The following PQBP1 variants were observed in gnomAD, a reference collection of about 807,000 sequenced individuals.
The protein encoded by PQBP1 is polyglutamine binding protein 1.
Under a neutral mutation model 20.9 loss-of-function variants are expected in PQBP1, and 3 were observed. The ratio of observed to expected loss-of-function variants is 0.14; its 90% confidence interval spans 0.07 to 0.37. PQBP1 has a LOEUF of 0.37. PQBP1 is among the 10% of genes least tolerant of loss of function. PQBP1 has a pLI of 1.00. For missense variants in PQBP1, 162 were observed against 240.3 expected, an observed-to-expected ratio of 0.67 and a Z score of 2.16; for synonymous variants, 83 against 93.8, an observed-to-expected ratio of 0.88 and a Z score of 0.67.
intron 2 of PQBP1, among the ~76,000 whole-genome samples, chrX:48,898,785 CTTTTTTTTTTTTTTTTTTTTTT>C (rs34214032): frequency 9.3e-5 from 2 of 21,459 alleles, no homozygotes; most frequent in African/African-American, 3.7e-4. Flanking sequence ...ATATTTCATT[CTTTTTTTTTTTTTTTTTTTTTT>C]TTTTTTTTTT....
Position 48,901,501 on chromosome X carries a change from G to C in PQBP1, c.179+200G>C, listed in dbSNP as rs782202244. ...CTGTCTTTTCTCTCTTTTTTGAAACGGAGTTTCACTCTTGTAGCCCGGGCT... is the reference window on the plus strand; with the variant it reads ...CTGTCTTTTCTCTCTTTTTTGAAACCGAGTTTCACTCTTGTAGCCCGGGCT... On this transcript the variant is annotated intron_variant, in intron 3 of 6. Coordinates refer to ENST00000447146, the MANE Select transcript of PQBP1 (RefSeq NM_001032382.2). 107 of 901,093 alleles carry C rather than the reference G, an allele frequency of 1.2e-4. 1 individual carries two copies. The South Asian group carries it at 1.3e-3, about 11-fold the overall frequency. 74.3% of individuals were successfully genotyped at this position (901,093 alleles called of 1,213,427 possible). A position where few individuals can be genotyped will look rare whatever the true frequency, so the allele number is the denominator to read the frequency against.
rs34214032 is a variant in PQBP1, at chrX:48,898,785, C to CTTTTTTTTTTTTTTTTTTTT, written c.67+229_67+248dup. Among the ~76,000 whole-genome samples, 2 of 21,460 alleles carry CTTTTTTTTTTTTTTTTTTTT rather than the reference C, an allele frequency of 9.3e-5. 1 individual carries two copies. The highest frequency in any genetic ancestry group is 1.5e-4 in the Non-Finnish European group (2 of 12,914). The allele number at this position is 21,460 out of a possible 115,157, so 18.6% of individuals were successfully genotyped here. A position where few individuals can be genotyped will look rare whatever the true frequency, so the allele number is the denominator to read the frequency against. On this transcript the variant is annotated intron_variant, in intron 2 of 6. Transcript: ENST00000447146. ...GGGTTGGGGGAATAGATATTTCATT[C>CTTTTTTTTTTTTTTTTTTTT]TTTTTTTTTTTTTTTTTTTTTTTTT...
At chrX:48,899,899 T>C (rs2063377360) in intron 2 of PQBP1, among the ~76,000 whole-genome samples, 1 of 112,051 alleles carries the variant, frequency 8.9e-6, no homozygotes, top group Non-Finnish European at 1.9e-5. Context: ...TATTGATAAC[T>C]GACATCTATT....
rs1162086780 is a variant in PQBP1, at chrX:48,900,284, CTTTTTTTTTTTTTTTTTTT to C, written c.68-895_68-877del. On this transcript the variant is annotated intron_variant, in intron 2 of 6. Coordinates refer to ENST00000447146, the MANE Select transcript of PQBP1 (RefSeq NM_001032382.2). ...AAAACTGGCAATGATCATTGATTTA[CTTTTTTTTTTTTTTTTTTT>C]TTTTTTTTTTGAGAGAGTCTCGCTC... Among the ~76,000 whole-genome samples, 3 of 32,478 alleles carry C rather than the reference CTTTTTTTTTTTTTTTTTTT, an allele frequency of 9.2e-5. No individual in the cohort carries two copies. The South Asian group carries it at 8.4e-3, about 91-fold the overall frequency. The allele number at this position is 32,478 out of a possible 115,157, so 28.2% of individuals were successfully genotyped here. A position where few individuals can be genotyped will look rare whatever the true frequency, so the allele number is the denominator to read the frequency against.
chrX:48,901,380 CAAGG>C (rs1335317404), intron 3 of PQBP1, 79 bp downstream of exon 3: 12 of 1,163,328 alleles, frequency 1.0e-5, no homozygotes, highest in African/African-American at 7.2e-5. Context: ...TAGGGGGACA[CAAGG>C]GAGGGAGCCT....
At chrX:48,902,869 C>T in intron 6 of PQBP1, 59 bp from the exon 7 acceptor site, 1 of 1,185,293 alleles carries the variant, frequency 8.4e-7, no homozygotes, top group Non-Finnish European at 1.1e-6. Flanking sequence ...CTCATTGGGA[C>T]CAGGTGGGCT....
chrX:48,898,400 G>A, intron 1 of PQBP1, 92 bp from the exon 2 acceptor site: 1 of 801,688 alleles, frequency 1.2e-6, no homozygotes, highest in African/African-American at 2.0e-5. Flanking sequence ...ATCGGAGTCA[G>A]ATGAGTACAT....
At position 48,898,014 on chromosome X, in the gene PQBP1, G is replaced by A. The variant is rs2063334336; in HGVS notation, c.-87G>A. 1.0e-6 allele frequency: 1 copy of A among 992,677 alleles called. No homozygotes were observed. Among genetic ancestry groups the A allele is most frequent in the Non-Finnish European group, 1.3e-6 (1 of 761,127 alleles). The allele number at this position is 992,677 out of a possible 1,213,427, so 81.8% of individuals were successfully genotyped here. On this transcript the variant is annotated 5_prime_UTR_variant, in exon 1 of 7. Transcript: ENST00000447146. Reference sequence around the variant, plus strand: ...TTGGGAAGAGAGTCGTGTGGGCCCAGGTATCGTAGCGGCGACACGAGAGAG... The same window carrying A: ...TTGGGAAGAGAGTCGTGTGGGCCCAAGTATCGTAGCGGCGACACGAGAGAG...
intron 2 of PQBP1, among the ~76,000 whole-genome samples, chrX:48,899,202 C>T (rs2063363176): frequency 9.0e-6 from 1 of 110,797 alleles, no homozygotes; most frequent in African/African-American, 3.3e-5. Context: ...GCCTCTAACT[C>T]CTGACCTCAG....
chrX:48,899,815 T>C (rs2063376005), intron 2 of PQBP1, among the ~76,000 whole-genome samples: 2 of 111,840 alleles, frequency 1.8e-5, no homozygotes, highest in Non-Finnish European at 3.8e-5. Context: ...TCACACCTTA[T>C]TATCAGTAAT....
At position 48,901,627 on chromosome X, in the gene PQBP1, C is replaced by T; in HGVS notation, c.180-303C>T. On this transcript the variant is annotated intron_variant, in intron 3 of 6. Coordinates refer to ENST00000447146, the MANE Select transcript of PQBP1 (RefSeq NM_001032382.2). ...CCAGGTAGCTGGGATTACAGGTGCA[C>T]ACCACCACACCCAGCTAATTTTTGT... 4 of 454,952 alleles carry T rather than the reference C, an allele frequency of 8.8e-6. No individual in the cohort carries two copies. The South Asian group carries it at 8.9e-5, about 10-fold the overall frequency. The allele number at this position is 454,952 out of a possible 1,213,427, so 37.5% of individuals were successfully genotyped here.
At chrX:48,900,387 G>A (rs782654196) in intron 2 of PQBP1, among the ~76,000 whole-genome samples, 6 of 93,487 alleles carry the variant, frequency 6.4e-5, no homozygotes, top group South Asian at 5.8e-4. Flanking sequence ...TCTGCCTCCC[G>A]GGTTCAAGCG....
At chrX:48,899,818 T>G (rs1191782817) in intron 2 of PQBP1, among the ~76,000 whole-genome samples, 1 of 111,941 alleles carries the variant, frequency 8.9e-6, no homozygotes, top group Non-Finnish European at 1.9e-5. Flanking sequence ...CACCTTATTA[T>G]CAGTAATACT....
chrX:48,898,419 G>A, intron 1 of PQBP1, 73 bp from the exon 2 acceptor site: 1 of 959,365 alleles, frequency 1.0e-6, no homozygotes, highest in South Asian at 2.0e-5. Context: ...ATGTTTACGG[G>A]AGGCGCTTGG....
chrX:48,897,960 C>A lies in PQBP1; in HGVS notation c.-141C>A. ...ACTTTCAGGCTCGGGGAGTGAAGGC[C>A]TCGTTGAGAGAAGGTCTCATTCGGT... On this transcript the variant is annotated 5_prime_UTR_variant, in exon 1 of 7. Transcript: ENST00000447146. 4.5e-6 allele frequency: 4 copies of A among 893,403 alleles called. No individual in the cohort carries two copies. The highest frequency in any genetic ancestry group is 6.0e-6 in the Non-Finnish European group (4 of 665,019). 73.6% of individuals were successfully genotyped at this position (893,403 alleles called of 1,213,427 possible). A position where few individuals can be genotyped will look rare whatever the true frequency, so the allele number is the denominator to read the frequency against.
At chrX:48,899,705 C>CG (rs1557040567) in intron 2 of PQBP1, among the ~76,000 whole-genome samples, 1 of 111,916 alleles carries the variant, frequency 8.9e-6, no homozygotes, top group Non-Finnish European at 1.9e-5. Context: ...GACATAGTAT[C>CG]TAATAGGAAG....
chrX:48,899,228 C>T (rs1397581068), intron 2 of PQBP1, among the ~76,000 whole-genome samples: 1 of 111,367 alleles, frequency 9.0e-6, no homozygotes, highest in Non-Finnish European at 1.9e-5. Context: ...CCACCCCCCA[C>T]CCTTGGCTTT....
At position 48,902,223 on chromosome X, in the gene PQBP1, G is replaced by A. The variant is rs202049676; in HGVS notation, c.293-10G>A. ...GTGGCAAGAGGTCACTTCAAGACTT[G>A]TGTCCCCAGATGCTGAAGAAAAGTT... On this transcript the variant is annotated splice_polypyrimidine_tract_variant and intron_variant, in intron 4 of 6. Transcript: ENST00000447146. The A allele has an allele frequency of 5.8e-6, 7 of 1,209,027 alleles. No individual in the cohort carries two copies. The African/African-American group carries it at 7.0e-5, about 12-fold the overall frequency.
rs1445173103 is a variant in PQBP1, at chrX:48,898,037, G to C, written c.-64G>C. 3.9e-6 allele frequency: 4 copies of C among 1,029,961 alleles called. No individual in the cohort carries two copies. In the Admixed American group the frequency reaches 1.6e-4, roughly 42 times the overall value. 84.9% of individuals were successfully genotyped at this position (1,029,961 alleles called of 1,213,427 possible). On this transcript the variant is annotated 5_prime_UTR_variant, in exon 1 of 7. Transcript: ENST00000447146. ...CAGGTATCGTAGCGGCGACACGAGA[G>C]AGACGGGCGGTGTGACAGCCTTCCA...
Sources: gnomAD v4.1 joint callset for allele counts (sites outside exome capture counted in the v4.1 genomes callset) on GRCh38, gnomAD v4.1.1 for gene constraint, MANE v1.5 for transcripts, NCBI Gene and HGNC (gene_info 2026-07-23, HGNC 2026-07-21) for gene names.